TMEM33: variants seen among roughly 807,000 people sequenced by gnomAD.
The protein encoded by TMEM33 is transmembrane protein 33.
In TMEM33, 16 loss-of-function variants were observed where a neutral mutation model predicts 29.7. The observed-to-expected ratio is 0.54, with a 90% confidence interval of 0.36 to 0.82. The LOEUF is 0.82. TMEM33 is among the 40% of genes least tolerant of loss of function. The pLI is 0.00. For synonymous variants in TMEM33, 112 were observed against 109.4 expected, an observed-to-expected ratio of 1.02 and a Z score of -0.15; for missense variants, 252 against 295.3, an observed-to-expected ratio of 0.85 and a Z score of 1.08.
In TMEM33 at chr4:41,949,388, A is replaced by T; in HGVS notation, c.614+3A>T. ...TCTCGAAGAAACCCATATTGTCGGT[A>T]AGCTGATGATTATTTTAGGCATGTT... is the stretch of plus-strand genomic sequence containing the variant. On this transcript the variant is annotated splice_donor_region_variant and intron_variant, in intron 6 of 6. Coordinates refer to ENST00000504986, the MANE Select transcript of TMEM33 (RefSeq NM_018126.3). 6.2e-7 allele frequency: 1 copy of T among 1,603,622 alleles called. No homozygotes were observed. The highest frequency in any genetic ancestry group is 8.5e-7 in the Non-Finnish European group (1 of 1,173,702).
chr4:41,949,875 A>G (rs1712963025), intron 6 of TMEM33, among the ~76,000 whole-genome samples: 1 of 152,174 alleles, frequency 6.6e-6, no homozygotes, highest in African/African-American at 2.4e-5. Flanking sequence ...AAGCTTTTGA[A>G]TAGGGAAAAG....
At chr4:41,938,329 T>G (rs551375572) in intron 1 of TMEM33, among the ~76,000 whole-genome samples, 2 of 152,366 alleles carry the variant, frequency 1.3e-5, no homozygotes, top group African/African-American at 4.8e-5. Flanking sequence ...TTAATTAGTC[T>G]TTGCATTTTT....
In TMEM33 at chr4:41,958,203, G is replaced by T. The variant is rs557047717; in HGVS notation, c.*4004G>T. Reference sequence around the variant, plus strand: ...TTTTTGTATTTTTAGTAGAGATGAGGTTTCACCATGTTGGCCAGGCTGGTC... The same window carrying T: ...TTTTTGTATTTTTAGTAGAGATGAGTTTTCACCATGTTGGCCAGGCTGGTC... On this transcript the variant is annotated 3_prime_UTR_variant, in exon 7 of 7. Coordinates refer to ENST00000504986, the MANE Select transcript of TMEM33 (RefSeq NM_018126.3). 6.6e-6 allele frequency: 1 copy of T among 152,090 alleles called. No individual in the cohort carries two copies. Among genetic ancestry groups the T allele is most frequent in the Admixed American group, 6.5e-5 (1 of 15,272 alleles). The allele number at this position is 152,090 out of a possible 1,614,324, so 9.4% of individuals were successfully genotyped here.
intron 3 of TMEM33, among the ~76,000 whole-genome samples, chr4:41,942,707 A>G (rs544081012): frequency 1.3e-5 from 2 of 152,262 alleles, no homozygotes; most frequent in African/African-American, 4.8e-5. Context: ...GGTCTTTTGA[A>G]CAATTTCCAT....
chr4:41,942,957 A>G (rs936245106), intron 3 of TMEM33, among the ~76,000 whole-genome samples: 1 of 152,192 alleles, frequency 6.6e-6, no homozygotes, highest in Non-Finnish European at 1.5e-5. Flanking sequence ...GTAATAAAAG[A>G]TCTTTAGTCT....
At chr4:41,943,725 T>C (rs978944682) in intron 3 of TMEM33, 22 bp from the exon 4 acceptor site, 1 of 1,610,204 alleles carries the variant, frequency 6.2e-7, no homozygotes, top group African/African-American at 1.3e-5. Context: ...TTTTAAATGT[T>C]TTCCTTAATT....
rs1024735454 is a variant in TMEM33 at position 41,960,662 on chromosome 4, T to C, written c.*6463T>C. ...GCCTTTTTGTTAGAATAAGGTGAAT[T>C]TGAACACACTCCTCTTATCCTCAGC... On this transcript the variant is annotated 3_prime_UTR_variant, in exon 7 of 7. Transcript: ENST00000504986. 2.0e-5 allele frequency: 3 copies of C among 152,162 alleles called. No homozygotes were observed. The highest frequency in any genetic ancestry group is 7.2e-5 in the African/African-American group (3 of 41,440). The allele number at this position is 152,162 out of a possible 1,614,324, so 9.4% of individuals were successfully genotyped here.
rs1472579869 is a variant in TMEM33, at chr4:41,954,109, A to G, written c.654A>G (p.Ile218Met). The stretch of plus-strand genomic sequence containing the variant: ...AACTGAGGATTGTTGTTGAACACAT[A>G]ATAATGAAACCTGCTTGCCCACTGT... The part of the protein sequence containing the change: ...FNELRIVVEH[I>M]IMKPACPLFV... The change falls in exon 7 of 7, where the codon ATA (isoleucine) becomes ATG (methionine). Residue 218 changes from isoleucine (I) to methionine (M), a missense_variant. Ile to Met is a conservative substitution (Grantham distance 10, BLOSUM62 1). Transcript: ENST00000504986. The G allele has an allele frequency of 6.2e-7, 1 of 1,613,906 alleles. No individual in the cohort carries two copies. The highest frequency in any genetic ancestry group is 8.5e-7 in the Non-Finnish European group (1 of 1,179,888).
intron 1 of TMEM33, among the ~76,000 whole-genome samples, chr4:41,935,952 T>C (rs1712210744): frequency 6.6e-6 from 1 of 152,198 alleles, no homozygotes; most frequent in Non-Finnish European, 1.5e-5. Flanking sequence ...TATATAGAAA[T>C]TATGCAAAGG....
At chr4:41,951,218 A>G (rs1053293836) in intron 6 of TMEM33, among the ~76,000 whole-genome samples, 14 of 152,126 alleles carry the variant, frequency 9.2e-5, no homozygotes, top group Non-Finnish European at 1.6e-4. Flanking sequence ...CAGCAACCAC[A>G]TTTGACCTTT....
rs141299994 is a variant in TMEM33, at chr4:41,935,625, A to G, written c.45+96A>G. 26 of 1,260,050 alleles carry G rather than the reference A, an allele frequency of 2.1e-5. No homozygotes were observed. The African/African-American group carries it at 2.1e-4, about 10-fold the overall frequency. 78.1% of individuals were successfully genotyped at this position (1,260,050 alleles called of 1,614,324 possible). ...CCGAGGCGTTCCAGAAGCTCAGTGC[A>G]TTCAGGAATGGGATTAATGAGTTGG... On this transcript the variant is annotated intron_variant, in intron 1 of 6. Coordinates refer to ENST00000504986, the MANE Select transcript of TMEM33 (RefSeq NM_018126.3).
upstream of TMEM33, chr4:41,935,411 C>T (rs1038116377): frequency 1.3e-6 from 2 of 1,502,562 alleles, no homozygotes; most frequent in Admixed American, 2.0e-5. Context: ...GGTCCTGGCC[C>T]CAGCGCTGAC....
chr4:41,938,757 GC>G lies in TMEM33; in HGVS notation c.140+63del, dbSNP rs1262238473. On this transcript the variant is annotated intron_variant, in intron 2 of 6. Coordinates refer to ENST00000504986, the MANE Select transcript of TMEM33 (RefSeq NM_018126.3). ...ATTGTTGAGTCAGTTTATATGGAGT[GC>G]CTTTTAGGTGTAAGACTTATTAACC... The G allele has an allele frequency of 5.3e-6, 8 of 1,513,362 alleles. No individual in the cohort carries two copies. The African/African-American group carries it at 1.1e-4, about 21-fold the overall frequency. The allele number at this position is 1,513,362 out of a possible 1,614,324, so 93.7% of individuals were successfully genotyped here. A position where few individuals can be genotyped will look rare whatever the true frequency, so the allele number is the denominator to read the frequency against.
At chr4:41,935,609 TC>T in intron 1 of TMEM33, 80 bp downstream of exon 1, 1 of 1,434,982 alleles carries the variant, frequency 7.0e-7, no homozygotes, top group African/African-American at 1.4e-5. Context: ...CCCGAGGCGT[TC>T]CAGAAGCTCA....
In TMEM33 at chr4:41,939,355, C is replaced by A; in HGVS notation, c.300C>A (p.Leu100=). 6.2e-7 allele frequency: 1 copy of A among 1,612,954 alleles called. No individual in the cohort carries two copies. Among genetic ancestry groups the A allele is most frequent in the Non-Finnish European group, 8.5e-7 (1 of 1,179,732 alleles). The stretch of plus-strand genomic sequence containing the variant: ...GCTGCCACTACCTGTTGTATTCACT[C>A]ATCTTTGTAAATTCCTATCCAGTTA... ...EDSCHYLLYS[L]IFVNSYPVTM... The change falls in exon 3 of 7, where the codon CTC becomes CTA. Residue 100 remains leucine, a synonymous_variant. Coordinates refer to ENST00000504986, the MANE Select transcript of TMEM33 (RefSeq NM_018126.3).
rs1333251308 is a variant in TMEM33, at chr4:41,957,831, T to C, written c.*3632T>C. 2 of 152,152 alleles carry C rather than the reference T, an allele frequency of 1.3e-5. No individual in the cohort carries two copies. The highest frequency in any genetic ancestry group is 6.5e-5 in the Admixed American group (1 of 15,274). The allele number at this position is 152,152 out of a possible 1,614,324, so 9.4% of individuals were successfully genotyped here. A position where few individuals can be genotyped will look rare whatever the true frequency, so the allele number is the denominator to read the frequency against. ...AGGAAGAAGTAGCCACGGACAGTTA[T>C]GTTTATAATCAGTAGGTGGCACTCT... On this transcript the variant is annotated 3_prime_UTR_variant, in exon 7 of 7. Transcript: ENST00000504986.
At position 41,957,996 on chromosome 4, in the gene TMEM33, T is replaced by G. The variant is rs1013093431; in HGVS notation, c.*3797T>G. ...AATCATTCAAGATTGAAAAAAAAAA[T>G]TAAGCATTTTTTGTTTGTTTGCTTG... On this transcript the variant is annotated 3_prime_UTR_variant, in exon 7 of 7. Coordinates refer to ENST00000504986, the MANE Select transcript of TMEM33 (RefSeq NM_018126.3). 3 of 152,826 alleles carry G rather than the reference T, an allele frequency of 2.0e-5. No individual in the cohort carries two copies. The highest frequency in any genetic ancestry group is 2.9e-5 in the Non-Finnish European group (2 of 68,636). 9.5% of individuals were successfully genotyped at this position (152,826 alleles called of 1,614,324 possible). A position where few individuals can be genotyped will look rare whatever the true frequency, so the allele number is the denominator to read the frequency against.
chr4:41,949,459 A>G (rs917248502), intron 6 of TMEM33, 74 bp downstream of exon 6: 1 of 1,198,238 alleles, frequency 8.3e-7, no homozygotes, highest in Admixed American at 2.2e-5. Context: ...GCAATTCTTA[A>G]GAGTTACTTA....
intron 3 of TMEM33, chr4:41,939,761 C>A (rs1712430477): frequency 2.2e-6 from 1 of 457,322 alleles, no homozygotes; most frequent in Non-Finnish European, 4.4e-6. Flanking sequence ...GTCCTCAGCT[C>A]TTTCCATCTT....
Sources: gnomAD v4.1 joint callset for allele counts (sites outside exome capture counted in the v4.1 genomes callset) on GRCh38, gnomAD v4.1.1 for gene constraint, MANE v1.5 for transcripts, NCBI Gene and HGNC (gene_info 2026-07-23, HGNC 2026-07-21) for gene names.